The following RFX5 variants were observed in gnomAD, a reference collection of about 807,000 sequenced individuals.
The protein encoded by RFX5 is regulatory factor X5.
Under a neutral mutation model 41.2 loss-of-function variants are expected in RFX5, and 30 were observed. The ratio of observed to expected loss-of-function variants is 0.73; its 90% CI spans 0.54 to 0.99. The LOEUF (loss-of-function observed/expected upper bound fraction) is 0.99, where lower values mean the gene tolerates loss of function less well. RFX5 is among the 50% of genes least tolerant of loss of function. The probability of loss-of-function intolerance (pLI) is 0.00; values close to 1 mark genes in which losing one functional copy is unlikely to be tolerated. For synonymous variants in RFX5, 231 were observed against 291.8 expected (o/e 0.79, Z 2.12); for missense variants, 715 against 773.6 (o/e 0.92, Z 0.90).
chr1:151,343,349 A>G lies in RFX5; in HGVS notation c.851T>C (p.Leu284Pro), dbSNP rs149605765. The G allele has an allele frequency of 7.9e-5, 128 of 1,613,110 alleles. 1 individual carries two copies. The highest frequency in any genetic ancestry group is 7.5e-4 in the Middle Eastern group (4 of 5,300). ...GGCCACTGACTTCCTTACCTGGGCC[A>G]GTCTCTCTGGCTTCTTGTGGGCTCC... is the stretch of plus-strand genomic sequence containing the variant. ...EGGAHKKPER[L>P]AQPPKDLEAR... is the part of the protein sequence containing the mutation. Residue 284 changes from leucine to proline, a missense_variant, in exon 10 of 11, where the codon CTG becomes CCG. Coordinates refer to ENST00000452671, the MANE Select transcript of RFX5 (RefSeq NM_001025603.2).
Position 151,342,485 on chromosome 1 carries a change from G to T in RFX5, c.1552C>A (p.Pro518Thr), listed in dbSNP as rs1650537839. The part of the protein sequence containing the change: ...EGNSAGGAER[P>T]GPMGEAEKGA... ...TTTTCAGCCTCTCCCATTGGCCCTG[G>T]CCTCTCTGCCCCTCCAGCTGAGTTG... The change falls in exon 11 of 11, where the codon CCA becomes ACA. Residue 518 changes from proline (P) to threonine (T), a missense_variant. Coordinates refer to ENST00000452671, the MANE Select transcript of RFX5 (RefSeq NM_001025603.2). The T allele has an allele frequency of 6.2e-7, 1 of 1,614,004 alleles. No individual in the cohort carries two copies. Among genetic ancestry groups the T allele is most frequent in the Non-Finnish European group, 8.5e-7 (1 of 1,180,024 alleles).
chr1:151,343,661 A>G lies in RFX5; in HGVS notation c.757+20T>C, dbSNP rs376912190. 96 of 1,612,246 alleles carry G rather than the reference A, an allele frequency of 6.0e-5. No individual in the cohort carries two copies. Among genetic ancestry groups the G allele is most frequent in the Non-Finnish European group, 7.6e-6 (9 of 1,179,092 alleles). ...GAAAGTGGCTCAGGGTTGCTGAGAC[A>G]TAAGAGAGGGTCAACACACCAGCGA... is the stretch of plus-strand genomic sequence containing the variant. On this transcript the variant is annotated intron_variant, in intron 9 of 10. Transcript: ENST00000452671.
chr1:151,343,961 T>G, intron 8 of RFX5, 79 bp from the exon 9 acceptor site: 2 of 1,495,448 alleles, frequency 1.3e-6, no homozygotes, highest in East Asian at 2.3e-5. Context: ...GATCAAAGAC[T>G]ATTGACCAAA....
chr1:151,345,087 A>C lies in RFX5; in HGVS notation c.233+19T>G, dbSNP rs766725746. ...TAAGAATCAGAACCTCTGCCATCTA[A>C]AACTACTATCAAACCTACCTTTTGT... is the stretch of plus-strand genomic sequence containing the variant. On this transcript the variant is annotated intron_variant, in intron 5 of 10. Coordinates refer to ENST00000452671, the MANE Select transcript of RFX5 (RefSeq NM_001025603.2). The C allele has an allele frequency of 6.2e-7, 1 of 1,610,002 alleles. No homozygotes were observed. Among genetic ancestry groups the C allele is most frequent in the East Asian group, 2.2e-5 (1 of 44,866 alleles).
rs1650494131 is a variant in RFX5, at chr1:151,342,157, A to C, written c.*29T>G. The C allele has an allele frequency of 1.2e-6, 2 of 1,614,052 alleles. No homozygotes were observed. The highest frequency in any genetic ancestry group is 2.7e-5 in the African/African-American group (2 of 74,914). ...TCTACTAGGCAAAGTTAACGTAGGGATATAAACACTCTTCCCCACAGACCT... is the reference window on the plus strand; with the variant it reads ...TCTACTAGGCAAAGTTAACGTAGGGCTATAAACACTCTTCCCCACAGACCT... On this transcript the variant is annotated 3_prime_UTR_variant, in exon 11 of 11. Coordinates refer to ENST00000452671, the MANE Select transcript of RFX5 (RefSeq NM_001025603.2).
Position 151,342,845 on chromosome 1 carries a change from G to A in RFX5, c.1192C>T (p.Pro398Ser). The change falls in exon 11 of 11, where the codon CCT (proline) becomes TCT (serine). Residue 398 changes from proline to serine, a missense_variant. Physicochemically the swap from Pro to Ser is moderately conservative, Grantham distance 74. Coordinates refer to ENST00000452671, the MANE Select transcript of RFX5 (RefSeq NM_001025603.2). ...VPALPGPGPGPGRAPPGGLTQ... is the reference protein window; with the variant it reads ...VPALPGPGPGSGRAPPGGLTQ... Reference sequence around the variant, plus strand: ...AGTCCCCCAGGTGGAGCTCGCCCAGGCCCAGGTCCAGGTCCAGGCAAAGCA... The same window carrying A: ...AGTCCCCCAGGTGGAGCTCGCCCAGACCCAGGTCCAGGTCCAGGCAAAGCA... The A allele has an allele frequency of 6.2e-7, 1 of 1,614,098 alleles. No homozygotes were observed. Among genetic ancestry groups the A allele is most frequent in the Non-Finnish European group, 8.5e-7 (1 of 1,179,984 alleles).
chr1:151,342,491 C>T lies in RFX5; in HGVS notation c.1546G>A (p.Glu516Lys), dbSNP rs1388147720. 1.2e-6 allele frequency: 2 copies of T among 1,614,182 alleles called. No homozygotes were observed. The highest frequency in any genetic ancestry group is 1.6e-4 in the Middle Eastern group (1 of 6,062). Residue 516 changes from glutamate (E) to lysine (K), a missense_variant, in exon 11 of 11, where the codon GAG (glutamate) becomes AAG (lysine). By Grantham distance (56) the Glu-to-Lys change is moderately conservative. Transcript: ENST00000452671. ...GGEGNSAGGA[E>K]RPGPMGEAEK... is the part of the protein sequence containing the mutation. ...GCCTCTCCCATTGGCCCTGGCCTCT[C>T]TGCCCCTCCAGCTGAGTTGCCTTCC... is the stretch of plus-strand genomic sequence containing the variant.
Position 151,344,214 on chromosome 1 carries a change from G to C in RFX5, c.538C>G (p.Leu180Val). Residue 180 changes from leucine (L) to valine (V), a missense_variant, in exon 8 of 11, where the codon CTA becomes GTA. By Grantham distance (32) the Leu-to-Val change is conservative. Transcript: ENST00000452671. ...GTACTTACACTCTCAGAACCCTTTA[G>C]GTCAAGTCCAGGCAGGGGTGGCATA... ...VSMPPLPGLD[L>V]KGSESPEMGP... is the part of the protein sequence containing the mutation. The C allele has an allele frequency of 1.2e-6, 2 of 1,614,160 alleles. No homozygotes were observed. Among genetic ancestry groups the C allele is most frequent in the Non-Finnish European group, 1.7e-6 (2 of 1,180,016 alleles).
Position 151,344,452 on chromosome 1 carries a change from G to C in RFX5, c.438C>G (p.Ile146Met). 6.2e-7 allele frequency: 1 copy of C among 1,614,224 alleles called. No homozygotes were observed. Among genetic ancestry groups the C allele is most frequent in the Non-Finnish European group, 8.5e-7 (1 of 1,180,052 alleles). The change falls in exon 7 of 11, where the codon ATC becomes ATG. Residue 146 changes from isoleucine to methionine, a missense_variant. Coordinates refer to ENST00000452671, the MANE Select transcript of RFX5 (RefSeq NM_001025603.2). ...GKIIREIFPD[I>M]KARRLGGRGQ... The stretch of plus-strand genomic sequence containing the variant: ...CCCGGCCACCAAGCCTTCGAGCTTT[G>C]ATGTCAGGGAAGATCTCTCTGATGA...
intron 9 of RFX5, 47 bp from the exon 10 acceptor site, chr1:151,343,489 T>G (rs148606176): frequency 3.4e-4 from 531 of 1,572,082 alleles, no homozygotes; most frequent in Middle Eastern, 5.0e-4. Context: ...AGGAGGAAAC[T>G]GAGGAATAGG....
Position 151,346,227 on chromosome 1 carries a change from G to A in RFX5, c.94C>T (p.Gln32Ter). Residue 32 changes from glutamine to a stop codon, truncating the protein, a stop_gained, in exon 3 of 11, where the codon CAG (glutamine) becomes TAG (stop). Coordinates refer to ENST00000452671, the MANE Select transcript of RFX5 (RefSeq NM_001025603.2). LOFTEE classifies it high-confidence loss of function. ...TACGAAATGGTACCTCGGAGCCTCT[G>A]AAGAAGGGTGGTAGGTTCCCCAGCC... ...AEAGEPTTLL[Q>*]RLRGTISKAV... 1 of 1,614,214 alleles carries A rather than the reference G, an allele frequency of 6.2e-7. No homozygotes were observed. The highest frequency in any genetic ancestry group is 8.5e-7 in the Non-Finnish European group (1 of 1,180,026).
rs1650505850 is a variant in RFX5, at chr1:151,342,224, A to G, written c.1813T>C (p.Ser605Pro). 1.2e-6 allele frequency: 2 copies of G among 1,614,032 alleles called. No homozygotes were observed. The highest frequency in any genetic ancestry group is 2.7e-5 in the African/African-American group (2 of 74,908). The part of the protein sequence containing the change: ...LKEHVLQSSL[S>P]QEHKDPKATP... ...GCTTTTGGGTCTTTATGCTCCTGGG[A>G]TAAGGAACTTTGAAGCACATGCTCC... Residue 605 changes from serine (S) to proline (P), a missense_variant, in exon 11 of 11, where the codon TCC becomes CCC. Physicochemically the swap from Ser to Pro is moderately conservative, Grantham distance 74 (BLOSUM62 -1). Coordinates refer to ENST00000452671, the MANE Select transcript of RFX5 (RefSeq NM_001025603.2).
At chr1:151,343,919 A>T in intron 8 of RFX5, 37 bp from the exon 9 acceptor site, 2 of 1,602,814 alleles carry the variant, frequency 1.2e-6, no homozygotes, top group Non-Finnish European at 1.7e-6. Context: ...CACACTCCAA[A>T]TTAAAGAACC....
At position 151,342,429 on chromosome 1, in the gene RFX5, A is replaced by G; in HGVS notation, c.1608T>C (p.Asp536=). The part of the protein sequence containing the change: ...KGAVLAQGQG[D]GTVSKGGRGP... ...CCCTTCCTCCTTTGGAAACAGTACC[A>G]TCTCCCTGACCCTGGGCAAGTACTG... is the stretch of plus-strand genomic sequence containing the variant. The change falls in exon 11 of 11, where the codon GAT becomes GAC. Residue 536 remains aspartate (D), a synonymous_variant. Coordinates refer to ENST00000452671, the MANE Select transcript of RFX5 (RefSeq NM_001025603.2). The G allele has an allele frequency of 6.2e-7, 1 of 1,614,042 alleles. No homozygotes were observed. The highest frequency in any genetic ancestry group is 1.3e-5 in the African/African-American group (1 of 74,996).
Position 151,342,945 on chromosome 1 carries a change from T to C in RFX5, c.1092A>G (p.Thr364=), listed in dbSNP as rs753408194. 4.7e-5 allele frequency: 76 copies of C among 1,614,094 alleles called. No homozygotes were observed. The Middle Eastern group carries it at 1.5e-3, about 32-fold the overall frequency. ...RLSSGALKVA[T]LPLSSRAGAP... is the part of the protein sequence containing the mutation. ...CCCCGGCCCTACTAGACAGAGGCAG[T>C]GTAGCCACTTTCAGGGCACCTGAAG... The change falls in exon 11 of 11, where the codon ACA becomes ACG. Residue 364 remains threonine, a synonymous_variant. Coordinates refer to ENST00000452671, the MANE Select transcript of RFX5 (RefSeq NM_001025603.2).
chr1:151,344,144 C>T, intron 8 of RFX5, 53 bp downstream of exon 8: 1 of 1,580,366 alleles, frequency 6.3e-7, no homozygotes, highest in Non-Finnish European at 8.7e-7. Flanking sequence ...CCAAAGACCT[C>T]TGACTTTTAC....
Position 151,342,986 on chromosome 1 carries a change from G to T in RFX5, c.1051C>A (p.Leu351Met). The T allele has an allele frequency of 6.2e-7, 1 of 1,614,108 alleles. No individual in the cohort carries two copies. Among genetic ancestry groups the T allele is most frequent in the Non-Finnish European group, 8.5e-7 (1 of 1,179,990 alleles). ...GCACCTGAAGAAAGCCTGGGGGCCA[G>T]AATAGGTGGAGAGACTGGGATTGGC... ...IPPIPVSPPI[L>M]APRLSSGALK... is the part of the protein sequence containing the mutation. Residue 351 changes from leucine to methionine, a missense_variant, in exon 11 of 11, where the codon CTG becomes ATG. Physicochemically the swap from Leu to Met is conservative, Grantham distance 15. Transcript: ENST00000452671.
chr1:151,342,185 A>G lies in RFX5; in HGVS notation c.*1T>C. The G allele has an allele frequency of 6.2e-7, 1 of 1,614,218 alleles. No individual in the cohort carries two copies. The highest frequency in any genetic ancestry group is 8.5e-7 in the Non-Finnish European group (1 of 1,180,032). ...TAAACACTCTTCCCCACAGACCTGT[A>G]TCATGGGGGTGTTGCTTTTGGGTCT... On this transcript the variant is annotated 3_prime_UTR_variant, in exon 11 of 11. Coordinates refer to ENST00000452671, the MANE Select transcript of RFX5 (RefSeq NM_001025603.2).
chr1:151,344,703 T>TCCCCCCCCCCCCCCCCC, intron 6 of RFX5, 25 bp downstream of exon 6: 3 of 1,515,620 alleles, frequency 2.0e-6, no homozygotes, highest in South Asian at 1.2e-5. Context: ...AATCCACTCA[T>TCCCCCCCCCCCCCCCCC]CCCACCACCC....
Sources: gnomAD v4.1 joint callset for allele counts on GRCh38, gnomAD v4.1.1 for gene constraint, MANE v1.5 for transcripts, NCBI Gene and HGNC (gene_info 2026-07-23, HGNC 2026-07-21) for gene names.